MAP2: variants seen among roughly 807,000 people sequenced by gnomAD.
MAP2 encodes the protein microtubule associated protein 2.
MAP2 carries 14 observed loss-of-function variants against 137.6 expected under a neutral mutation model. The observed-to-expected ratio is 0.10, with a 90% CI of 0.07 to 0.16. The LOEUF (loss-of-function observed/expected upper bound fraction) is 0.16. MAP2 is among the 10% of genes least tolerant of loss of function. The pLI, the probability that MAP2 is intolerant of heterozygous loss-of-function variation, is 1.00. For synonymous variants in MAP2, 786 were observed against 782.3 expected (o/e 1.00, Z -0.08); for missense variants, 2,088 against 2,191.5 (o/e 0.95, Z 0.94).
chr2:209,490,813 G>C (rs2059016075), intron 1 of MAP2, among the ~76,000 whole-genome samples: 1 of 151,890 alleles, frequency 6.6e-6, no homozygotes, highest in Non-Finnish European at 1.5e-5. Flanking sequence ...GGTTCTTAGA[G>C]ACCTACAAAG....
At position 209,692,827 on chromosome 2, in the gene MAP2, A is replaced by T; in HGVS notation, c.657A>T (p.Glu219Asp). Residue 219 changes from glutamate to aspartate, a missense_variant, in exon 8 of 16, where the codon GAA (glutamate) becomes GAT (aspartate). Coordinates refer to ENST00000682079, the MANE Select transcript of MAP2 (RefSeq NM_001375505.1). ...AGGACATGCAAGGCACGGAAGAAGA[A>T]AAAGCACCCCTAGCTTTGTTTGGGC... ...DKKDMQGTEE[E>D]KAPLALFGHT... The T allele has an allele frequency of 3.7e-6, 6 of 1,612,612 alleles. No homozygotes were observed. Among genetic ancestry groups the T allele is most frequent in the Non-Finnish European group, 5.1e-6 (6 of 1,179,594 alleles).
intron 12 of MAP2, among the ~76,000 whole-genome samples, chr2:209,709,293 A>G (rs1486688185): frequency 6.6e-6 from 1 of 152,144 alleles, no homozygotes; most frequent in African/African-American, 2.4e-5. Context: ...TGAAGCACTG[A>G]GATAATTTTC....
intron 13 of MAP2, among the ~76,000 whole-genome samples, chr2:209,724,406 A>G (rs769474218): frequency 6.6e-6 from 1 of 152,182 alleles, no homozygotes; most frequent in East Asian, 1.9e-4. Flanking sequence ...TAAAACAAGA[A>G]TAGTTTTTCA....
intron 1 of MAP2, among the ~76,000 whole-genome samples, chr2:209,501,696 A>G (rs1039879494): frequency 3.9e-5 from 6 of 152,172 alleles, no homozygotes; most frequent in Admixed American, 6.5e-5. Context: ...TGTGTTTGAA[A>G]TGGCAGATGT....
At chr2:209,706,885 A>C (rs899428870) in intron 12 of MAP2, among the ~76,000 whole-genome samples, 1 of 152,024 alleles carries the variant, frequency 6.6e-6, no homozygotes, top group Non-Finnish European at 1.5e-5. Context: ...AACATTATTT[A>C]GTTTCCTAGA....
intron 3 of MAP2, among the ~76,000 whole-genome samples, chr2:209,614,112 CTG>C (rs1359398642): frequency 6.6e-6 from 1 of 152,130 alleles, no homozygotes; most frequent in Non-Finnish European, 1.5e-5. Flanking sequence ...TCTGCAGTTT[CTG>C]TCTCTTTGTG....
chr2:209,501,735 C>T (rs528912654), intron 1 of MAP2, among the ~76,000 whole-genome samples: 6 of 151,912 alleles, frequency 3.9e-5, no homozygotes, highest in Non-Finnish European at 8.8e-5. Context: ...CTTGGGGCAA[C>T]ATCAATCTTC....
chr2:209,710,141 C>T lies in MAP2; in HGVS notation c.4960C>T (p.Pro1654Ser). Reference protein sequence around the residue: ...VAIIRTPPKSPATPKQLRLIN... With the variant: ...VAIIRTPPKSSATPKQLRLIN... ...CATCATACGTACTCCTCCAAAATCTCCTGCGACTCCCAAGCAGCTTCGGCT... is the reference window on the plus strand; with the variant it reads ...CATCATACGTACTCCTCCAAAATCTTCTGCGACTCCCAAGCAGCTTCGGCT... Residue 1654 changes from proline (P) to serine (S), a missense_variant, in exon 13 of 16, where the codon CCT becomes TCT. Around this residue, in one of 6 missense-constraint regions of MAP2, gnomAD observed 591 missense variants for 642.6 expected, o/e 0.92. Coordinates refer to ENST00000682079, the MANE Select transcript of MAP2 (RefSeq NM_001375505.1). 1.2e-6 allele frequency: 2 copies of T among 1,614,066 alleles called. No individual in the cohort carries two copies. The highest frequency in any genetic ancestry group is 1.7e-6 in the Non-Finnish European group (2 of 1,180,000).
In MAP2 at chr2:209,459,148, T is replaced by C. The variant is rs185904715; in HGVS notation, c.-222+34872T>C. ...GTGTACTAATTAAGAGAATGAGTTA[T>C]GTAGTCCAACTGCTTGTGTTTAAAT... is the stretch of plus-strand genomic sequence containing the variant. On this transcript the variant is annotated intron_variant, in intron 1 of 15. Coordinates refer to ENST00000682079, the MANE Select transcript of MAP2 (RefSeq NM_001375505.1). Among the ~76,000 whole-genome samples, 18 of 152,334 alleles carry C rather than the reference T, an allele frequency of 1.2e-4. No homozygotes were observed. The East Asian group carries it at 2.1e-3, about 18-fold the overall frequency.
chr2:209,580,205 C>T (rs984276579), intron 3 of MAP2, 105 bp downstream of exon 3: 3 of 151,982 alleles, frequency 2.0e-5, no homozygotes, highest in Non-Finnish European at 4.4e-5. Flanking sequence ...TATCCTTAAG[C>T]TTAAGTTGAT....
chr2:209,539,834 G>A (rs1001316456), intron 2 of MAP2, among the ~76,000 whole-genome samples: 2 of 150,468 alleles, frequency 1.3e-5, no homozygotes, highest in Non-Finnish European at 1.5e-5. Context: ...GCAGTGGCTC[G>A]TGCCTATAAT....
At chr2:209,569,151 A>G (rs2073982783) in intron 2 of MAP2, among the ~76,000 whole-genome samples, 1 of 151,892 alleles carries the variant, frequency 6.6e-6, no homozygotes, top group South Asian at 2.1e-4. Flanking sequence ...AATGTGCCAA[A>G]GATGAAAAAT....
chr2:209,638,159 C>T (rs759437045), intron 4 of MAP2, among the ~76,000 whole-genome samples: 1 of 152,082 alleles, frequency 6.6e-6, no homozygotes, highest in Non-Finnish European at 1.5e-5. Context: ...TATGTCCCAT[C>T]ATACCCCTCC....
At chr2:209,726,621 C>T (rs1249368901) in intron 14 of MAP2, among the ~76,000 whole-genome samples, 2 of 152,044 alleles carry the variant, frequency 1.3e-5, no homozygotes, top group Non-Finnish European at 2.9e-5. Flanking sequence ...AAAAATAAGC[C>T]GATATGGTGG....
intron 3 of MAP2, among the ~76,000 whole-genome samples, chr2:209,597,999 TTTTA>T (rs1009663690): frequency 5.3e-5 from 8 of 151,906 alleles, no homozygotes; most frequent in Admixed American, 1.3e-4. Context: ...TCCTATTCTT[TTTTA>T]TTTATTTATT....
intron 5 of MAP2, among the ~76,000 whole-genome samples, chr2:209,658,875 A>G (rs1270535633): frequency 6.6e-6 from 1 of 152,220 alleles, no homozygotes; most frequent in African/African-American, 2.4e-5. Context: ...ATGGAAATAT[A>G]TATAAAACTA....
intron 13 of MAP2, among the ~76,000 whole-genome samples, chr2:209,715,747 A>G (rs2067326941): frequency 6.6e-6 from 1 of 152,226 alleles, no homozygotes; most frequent in Non-Finnish European, 1.5e-5. Flanking sequence ...AAAGACCCTG[A>G]GGTAGAAGCA....
intron 1 of MAP2, among the ~76,000 whole-genome samples, chr2:209,426,369 T>C (rs1559146931): frequency 1.3e-5 from 2 of 152,298 alleles, no homozygotes; most frequent in South Asian, 4.1e-4. Context: ...TCTCTTATTT[T>C]TTTCCCTTTT....
At chr2:209,687,527 G>C (rs935034663) in intron 7 of MAP2, among the ~76,000 whole-genome samples, 1 of 152,108 alleles carries the variant, frequency 6.6e-6, no homozygotes, top group African/African-American at 2.4e-5. Flanking sequence ...GTGGAATTCA[G>C]CAGTTACTGA....
Sources: gnomAD v4.1 joint callset for allele counts (sites outside exome capture counted in the v4.1 genomes callset) on GRCh38, gnomAD v4.1.1 for gene constraint, gnomAD v4.1.1 regional missense constraint, MANE v1.5 for transcripts, NCBI Gene and HGNC (gene_info 2026-07-23, HGNC 2026-07-21) for gene names.